Variants in RAI2 observed in about 807,000 individuals in gnomAD.
The protein encoded by RAI2 is retinoic acid induced 2.
Under a neutral mutation model 15.3 loss-of-function variants are expected in RAI2, and 5 were observed. The ratio of observed to expected loss-of-function variants is 0.33; its 90% CI spans 0.17 to 0.69. RAI2 has a LOEUF of 0.69. RAI2 is among the 30% of genes least tolerant of loss of function. The probability of loss-of-function intolerance (pLI) is 0.69; values close to 1 mark genes in which losing one functional copy is unlikely to be tolerated. For missense variants in RAI2, 424 were observed against 424.7 expected (o/e 1.00, Z 0.01); for synonymous variants, 191 against 184.0 (o/e 1.04, Z -0.31).
chrX:17,830,162 C>T (rs1047159644), intron 1 of RAI2, among the ~76,000 whole-genome samples: 2 of 112,610 alleles, frequency 1.8e-5, no homozygotes, highest in Admixed American at 1.9e-4. Context: ...GCAAGTACTG[C>T]CTCTGGTTAC....
intron 1 of RAI2, among the ~76,000 whole-genome samples, chrX:17,849,866 T>C (rs1294671934): frequency 8.9e-6 from 1 of 112,847 alleles, no homozygotes; most frequent in African/African-American, 3.2e-5. Context: ...AAGCCTCATT[T>C]TGTGAAAGGC....
At chrX:17,857,909 T>C (rs908216351) in intron 1 of RAI2, among the ~76,000 whole-genome samples, 2 of 112,099 alleles carry the variant, frequency 1.8e-5, no homozygotes, top group Non-Finnish European at 3.8e-5. Flanking sequence ...GGTTGCCCAC[T>C]GGTGGGCTTC....
chrX:17,813,847 C>T lies in RAI2; in HGVS notation c.-24-11813G>A, dbSNP rs1376169282. Among the ~76,000 whole-genome samples the T allele has an allele frequency of 2.7e-5, 3 of 111,493 alleles. No individual in the cohort carries two copies. The East Asian group carries it at 8.4e-4, about 31-fold the overall frequency. On this transcript the variant is annotated intron_variant, in intron 1 of 1. Transcript: ENST00000451717. ...AGAAGTTAGGGCTCTCAAAGGACTGCACTCCCATGCACAACACCCTACTGC... is the reference window on the plus strand; with the variant it reads ...AGAAGTTAGGGCTCTCAAAGGACTGTACTCCCATGCACAACACCCTACTGC...
chrX:17,802,852 G>A (rs757695844), intron 1 of RAI2, among the ~76,000 whole-genome samples: 2 of 111,696 alleles, frequency 1.8e-5, no homozygotes, highest in East Asian at 5.7e-4. Flanking sequence ...AATGTCCTCG[G>A]CACCTCCCAC....
chrX:17,839,011 C>T (rs1056244400), intron 1 of RAI2, among the ~76,000 whole-genome samples: 1 of 112,318 alleles, frequency 8.9e-6, no homozygotes, highest in Non-Finnish European at 1.9e-5. Flanking sequence ...TCCTTCTTCC[C>T]GCTGCCAACC....
chrX:17,804,331 G>T (rs955825130), intron 1 of RAI2, among the ~76,000 whole-genome samples: 2 of 112,047 alleles, frequency 1.8e-5, no homozygotes, highest in Admixed American at 9.4e-5. Flanking sequence ...AACAGACGAG[G>T]TTCTTGTTTT....
At chrX:17,810,638 G>T (rs2067037789) in intron 1 of RAI2, among the ~76,000 whole-genome samples, 1 of 111,927 alleles carries the variant, frequency 8.9e-6, no homozygotes, top group African/African-American at 3.2e-5. Context: ...AGGAGGAATT[G>T]CTGTGGGCCC....
rs2066882959 is a variant in RAI2, at chrX:17,800,052, G to A, written c.*366C>T. 1.4e-5 allele frequency: 2 copies of A among 144,085 alleles called. No homozygotes were observed. The highest frequency in any genetic ancestry group is 2.7e-5 in the Non-Finnish European group (2 of 74,979). 11.9% of individuals were successfully genotyped at this position (144,085 alleles called of 1,213,427 possible). On this transcript the variant is annotated 3_prime_UTR_variant, in exon 2 of 2. Coordinates refer to ENST00000451717, the MANE Select transcript of RAI2 (RefSeq NM_021785.6). ...AATGATGAAATACTGCAACCAATTA[G>A]TGCAAACAAACATTTATTGTGAAAT...
At chrX:17,852,189 G>A (rs1374882685) in intron 1 of RAI2, among the ~76,000 whole-genome samples, 1 of 112,040 alleles carries the variant, frequency 8.9e-6, no homozygotes, top group Non-Finnish European at 1.9e-5. Flanking sequence ...CCAGCACACT[G>A]TGGATCCCTA....
intron 1 of RAI2, among the ~76,000 whole-genome samples, chrX:17,843,627 C>A (rs958621214): frequency 8.9e-6 from 1 of 112,027 alleles, no homozygotes; most frequent in East Asian, 2.8e-4. Context: ...CTCAAACTAA[C>A]AGGGTCTGTG....
chrX:17,843,855 C>G (rs1179682395), intron 1 of RAI2, among the ~76,000 whole-genome samples: 1 of 112,237 alleles, frequency 8.9e-6, no homozygotes, highest in Non-Finnish European at 1.9e-5. Context: ...CTAAGAGTAC[C>G]CCATCAAATG....
intron 1 of RAI2, chrX:17,860,677 G>C (rs1337160447): frequency 8.9e-6 from 1 of 112,148 alleles, no homozygotes; most frequent in Non-Finnish European, 1.9e-5. Flanking sequence ...GGGGCAGAAC[G>C]GCAGATCCGG....
chrX:17,805,153 G>T (rs971035295), intron 1 of RAI2, among the ~76,000 whole-genome samples: 9 of 112,728 alleles, frequency 8.0e-5, no homozygotes, highest in Non-Finnish European at 1.3e-4. Context: ...GCTTCCCTTC[G>T]ACTGGGAGAG....
At chrX:17,812,109 T>C (rs1601906863) in intron 1 of RAI2, among the ~76,000 whole-genome samples, 2 of 111,840 alleles carry the variant, frequency 1.8e-5, no homozygotes, top group Admixed American at 1.9e-4. Flanking sequence ...GCACTGTCGA[T>C]ACAGTCTTCA....
chrX:17,821,933 G>T (rs2067169543), intron 1 of RAI2, among the ~76,000 whole-genome samples: 1 of 110,763 alleles, frequency 9.0e-6, no homozygotes, highest in Non-Finnish European at 1.9e-5. Flanking sequence ...CCAAGCAGAA[G>T]ATCTTTACCA....
At chrX:17,808,017 G>T (rs1474501610) in intron 1 of RAI2, among the ~76,000 whole-genome samples, 1 of 112,216 alleles carries the variant, frequency 8.9e-6, no homozygotes, top group Non-Finnish European at 1.9e-5. Flanking sequence ...AGGGTCGCAT[G>T]CGGCCCAGAC....
chrX:17,801,630 C>T lies in RAI2; in HGVS notation c.381G>A (p.Glu127=). The change falls in exon 2 of 2, where the codon GAG becomes GAA. Residue 127 remains glutamate (E), a synonymous_variant. Transcript: ENST00000451717. ...AGTTGAGGTGCTGAAAGACGTGCTG[C>T]TCCAGCACCACGGGCAGTTGCACGG... ...QGPVQLPVVL[E]QHVFQHLNSP... 1.7e-6 allele frequency: 2 copies of T among 1,211,707 alleles called. No individual in the cohort carries two copies. Among genetic ancestry groups the T allele is most frequent in the Non-Finnish European group, 2.2e-6 (2 of 895,423 alleles).
chrX:17,803,404 T>C (rs1226328943), intron 1 of RAI2, among the ~76,000 whole-genome samples: 1 of 110,293 alleles, frequency 9.1e-6, no homozygotes, highest in Non-Finnish European at 1.9e-5. Context: ...CGCACGCCTG[T>C]AGTCCCAGCT....
chrX:17,800,747 C>G lies in RAI2; in HGVS notation c.1264G>C (p.Val422Leu). The change falls in exon 2 of 2, where the codon GTC (valine) becomes CTC (leucine). Residue 422 changes from valine (V) to leucine (L), a missense_variant. Val to Leu is a conservative substitution (Grantham distance 32, BLOSUM62 1). Transcript: ENST00000451717. The part of the protein sequence containing the change: ...LSQPNHPSGE[V>L]KAENNIEMVG... ...ATCTCAATGTTATTTTCAGCCTTGA[C>G]TTCGCCGCTGGGGTGGTTGGGCTGG... 1 of 1,211,715 alleles carries G rather than the reference C, an allele frequency of 8.3e-7. No homozygotes were observed. Among genetic ancestry groups the G allele is most frequent in the Middle Eastern group, 2.3e-4 (1 of 4,355 alleles).
Sources: allele counts gnomAD v4.1 joint callset (sites outside exome capture counted in the v4.1 genomes callset), GRCh38; gene constraint gnomAD v4.1.1; transcripts MANE v1.5; gene names NCBI Gene and HGNC (gene_info 2026-07-23, HGNC 2026-07-21).